MDM4: variants seen among roughly 807,000 people sequenced by gnomAD.
MDM4 encodes protein Mdm4.
A neutral mutation model predicts 60.2 loss-of-function variants in MDM4; 2 were observed. The ratio of observed to expected loss-of-function variants is 0.03; its 90% CI spans 0.01 to 0.10. The LOEUF (loss-of-function observed/expected upper bound fraction) is 0.10. MDM4 is among the 10% of genes least tolerant of loss of function. The pLI, the probability that MDM4 is intolerant of heterozygous loss-of-function variation, is 1.00. For synonymous variants in MDM4, 202 were observed against 198.1 expected, an observed-to-expected ratio of 1.02 and a Z score of -0.17; for missense variants, 447 against 577.5, an observed-to-expected ratio of 0.77 and a Z score of 2.32.
intron 9 of MDM4, 74 bp downstream of exon 9, chr1:204,544,758 CTG>C: frequency 4.3e-6 from 6 of 1,383,300 alleles, no homozygotes; most frequent in Non-Finnish European, 5.9e-6. Context: ...TTCTTTGTAT[CTG>C]TTTTTACAAC....
At position 204,532,773 on chromosome 1, in the gene MDM4, G is replaced by A. The variant is rs141298810; in HGVS notation, c.343+527G>A. The stretch of plus-strand genomic sequence containing the variant: ...CATGTCATTTACGTGTTGAAGAAAT[G>A]GGTCATTTGTTCTGTAGAATTTCCC... On this transcript the variant is annotated intron_variant, in intron 5 of 10. Coordinates refer to ENST00000367182, the MANE Select transcript of MDM4 (RefSeq NM_002393.5). The A allele has an allele frequency of 1.6e-4, 265 of 1,609,818 alleles. 1 individual carries two copies. In the Middle Eastern group the frequency reaches 3.5e-3, roughly 21 times the overall value.
intron 1 of MDM4, among the ~76,000 whole-genome samples, chr1:204,522,928 T>G (rs2102298884): frequency 6.6e-6 from 1 of 150,986 alleles, no homozygotes; most frequent in African/African-American, 2.4e-5. Context: ...AATGGTGCGA[T>G]CTCAGCTCAC....
At chr1:204,544,309 TAAAAG>T (rs1166822846) in intron 8 of MDM4, among the ~76,000 whole-genome samples, 1 of 152,224 alleles carries the variant, frequency 6.6e-6, no homozygotes, top group African/African-American at 2.4e-5. Flanking sequence ...GATTTAGTGT[TAAAAG>T]AGAAAAGTCC....
At chr1:204,523,572 C>T (rs1259102216) in intron 1 of MDM4, among the ~76,000 whole-genome samples, 3 of 146,296 alleles carry the variant, frequency 2.1e-5, no homozygotes, top group Non-Finnish European at 3.0e-5. Flanking sequence ...CAACCTCCAC[C>T]TTGCCAGTTC....
At chr1:204,522,856 T>C (rs1459954612) in intron 1 of MDM4, among the ~76,000 whole-genome samples, 2 of 137,080 alleles carry the variant, frequency 1.5e-5, no homozygotes, top group South Asian at 4.9e-4. Flanking sequence ...GTGTATTTAC[T>C]GATTGTCTTT....
intron 7 of MDM4, among the ~76,000 whole-genome samples, chr1:204,540,376 C>T (rs1661933582): frequency 6.6e-6 from 1 of 152,044 alleles, no homozygotes; most frequent in South Asian, 2.1e-4. Flanking sequence ...ATTGTTTTTG[C>T]CCTTGGATGG....
At chr1:204,526,268 C>A (rs189493992) in intron 2 of MDM4, 92 bp from the exon 3 acceptor site, 28 of 1,098,322 alleles carry the variant, frequency 2.5e-5, no homozygotes, top group Admixed American at 6.3e-5. Flanking sequence ...AAAACAAAAG[C>A]GGGGGGAGCT....
At chr1:204,529,381 G>A in intron 3 of MDM4, 1 of 1,016,026 alleles carries the variant, frequency 9.8e-7, no homozygotes, top group Non-Finnish European at 1.6e-6. Context: ...TGTCCATGAG[G>A]CCTGGGCTGC....
At chr1:204,534,316 C>T (rs1377635083) in intron 5 of MDM4, among the ~76,000 whole-genome samples, 1 of 152,188 alleles carries the variant, frequency 6.6e-6, no homozygotes, top group Non-Finnish European at 1.5e-5. Flanking sequence ...GCGATAGTCA[C>T]TAAAGGTTTG....
rs542774536 is a variant in MDM4, at chr1:204,551,039, G to C, written c.*1357G>C. ...ACAGCCTTCAGAAGCATCAGTTTTT[G>C]TTTTGTTTTGTTTTGTTTTTTGAGA... On this transcript the variant is annotated 3_prime_UTR_variant, in exon 11 of 11. Transcript: ENST00000367182. 2.2e-5 allele frequency: 4 copies of C among 184,232 alleles called. No homozygotes were observed. The East Asian group carries it at 3.5e-4, about 16-fold the overall frequency. The allele number at this position is 184,232 out of a possible 1,614,324, so 11.4% of individuals were successfully genotyped here.
At chr1:204,522,543 G>A (rs539934972) in intron 1 of MDM4, among the ~76,000 whole-genome samples, 4 of 151,316 alleles carry the variant, frequency 2.6e-5, no homozygotes, top group East Asian at 4.0e-4. Flanking sequence ...GACTACAGGC[G>A]TGTGCCACCA....
At chr1:204,531,494 G>T (rs762760732) in intron 4 of MDM4, among the ~76,000 whole-genome samples, 2 of 152,168 alleles carry the variant, frequency 1.3e-5, no homozygotes, top group Non-Finnish European at 2.9e-5. Flanking sequence ...TTTCTCTATA[G>T]CTTTGATGAC....
intron 5 of MDM4, chr1:204,532,872 A>G: frequency 6.3e-7 from 1 of 1,583,918 alleles, no homozygotes; most frequent in Non-Finnish European, 8.6e-7. Flanking sequence ...ATTTTTGGTA[A>G]ACTGGTAGTG....
chr1:204,553,515 T>G lies in MDM4; in HGVS notation c.*3833T>G, dbSNP rs1663365127. 4.4e-6 allele frequency: 1 copy of G among 226,526 alleles called. No individual in the cohort carries two copies. The highest frequency in any genetic ancestry group is 2.2e-5 in the African/African-American group (1 of 45,002). The allele number at this position is 226,526 out of a possible 1,614,324, so 14.0% of individuals were successfully genotyped here. A position where few individuals can be genotyped will look rare whatever the true frequency, so the allele number is the denominator to read the frequency against. On this transcript the variant is annotated 3_prime_UTR_variant, in exon 11 of 11. Transcript: ENST00000367182. ...GTAAGCCTTGTTCGAGTTGATATCT[T>G]GATTGTGAGGAAGGATCTGTGTCAT...
rs1215834665 is a variant in MDM4 at position 204,558,120 on chromosome 1, A to C, written c.*8438A>C. ...TGTATTAAATGTTTTTCCTTTTGCC[A>C]TTGTGTGTTGTCATTATTTTTGAAA... On this transcript the variant is annotated 3_prime_UTR_variant, in exon 11 of 11. Transcript: ENST00000367182. 1.7e-5 allele frequency: 3 copies of C among 176,634 alleles called. No individual in the cohort carries two copies. Among genetic ancestry groups the C allele is most frequent in the Non-Finnish European group, 3.6e-5 (3 of 82,250 alleles). The allele number at this position is 176,634 out of a possible 1,614,324, so 10.9% of individuals were successfully genotyped here. A position where few individuals can be genotyped will look rare whatever the true frequency, so the allele number is the denominator to read the frequency against.
rs771803964 is a variant in MDM4 at position 204,554,529 on chromosome 1, C to T, written c.*4847C>T. The T allele has an allele frequency of 2.2e-5, 5 of 224,872 alleles. No homozygotes were observed. The highest frequency in any genetic ancestry group is 4.5e-5 in the African/African-American group (2 of 44,878). 13.9% of individuals were successfully genotyped at this position (224,872 alleles called of 1,614,324 possible). A position where few individuals can be genotyped will look rare whatever the true frequency, so the allele number is the denominator to read the frequency against. On this transcript the variant is annotated 3_prime_UTR_variant, in exon 11 of 11. Coordinates refer to ENST00000367182, the MANE Select transcript of MDM4 (RefSeq NM_002393.5). ...TCTCATGTACCAAACGTGAAATTTA[C>T]AGTGTTTACAAATGTCTGGAATTTT... is the stretch of plus-strand genomic sequence containing the variant.
chr1:204,545,104 G>A (rs1662518394), intron 9 of MDM4, among the ~76,000 whole-genome samples: 2 of 152,064 alleles, frequency 1.3e-5, no homozygotes, highest in African/African-American at 4.8e-5. Context: ...GTTATCATTA[G>A]TGTTAGTGTA....
In MDM4 at chr1:204,537,441, A is replaced by G. The variant is rs1274138921; in HGVS notation, c.355A>G (p.Thr119Ala). 1 of 1,613,116 alleles carries G rather than the reference A, an allele frequency of 6.2e-7. No homozygotes were observed. The highest frequency in any genetic ancestry group is 8.5e-7 in the Non-Finnish European group (1 of 1,179,328). ...TACTTGCTATCCAGATGCTGCTCAG[A>G]CTCTCGCTCTCGCACAGGATCACAG... ...LATATTDAAQ[T>A]LALAQDHSMD... The change falls in exon 6 of 11, where the codon ACT becomes GCT. Residue 119 changes from threonine to alanine, a missense_variant. Thr to Ala is a moderately conservative substitution (Grantham distance 58). This residue lies in a region of MDM4 where 12 missense variants were observed against 28.6 expected (regional missense o/e 0.42). Coordinates refer to ENST00000367182, the MANE Select transcript of MDM4 (RefSeq NM_002393.5).
intron 5 of MDM4, among the ~76,000 whole-genome samples, chr1:204,535,259 G>A (rs1486243808): frequency 6.7e-6 from 1 of 150,370 alleles, no homozygotes; most frequent in African/African-American, 2.4e-5. Context: ...CCGGGTTCAC[G>A]CAGTTCTCCT....
Sources: allele counts gnomAD v4.1 joint callset (sites outside exome capture counted in the v4.1 genomes callset), GRCh38; gene constraint gnomAD v4.1.1; regional missense constraint gnomAD v4.1.1; transcripts MANE v1.5; gene names NCBI Gene and HGNC (gene_info 2026-07-23, HGNC 2026-07-21).